The following CHD2 variants were observed in gnomAD, a reference collection of about 807,000 sequenced individuals.
CHD2 encodes the protein chromodomain helicase DNA binding protein 2.
CHD2 carries 28 observed loss-of-function variants against 243.9 expected under a neutral mutation model. The ratio of observed to expected loss-of-function variants is 0.11; its 90% CI spans 0.09 to 0.16. The LOEUF (loss-of-function observed/expected upper bound fraction) is 0.16, where lower values mean the gene tolerates loss of function less well. Among genes scored for constraint, CHD2 ranks in the 10% least tolerant of loss-of-function variants. The probability of loss-of-function intolerance (pLI) is 1.00; values close to 1 mark genes in which losing one functional copy is unlikely to be tolerated. For missense variants in CHD2, 1,386 were observed against 2,209.8 expected, an observed-to-expected ratio of 0.63 and a Z score of 7.47; for synonymous variants, 775 against 779.0, an observed-to-expected ratio of 0.99 and a Z score of 0.09.
At chr15:92,910,929 T>G (rs2052722446) in intron 2 of CHD2, among the ~76,000 whole-genome samples, 1 of 152,222 alleles carries the variant, frequency 6.6e-6, no homozygotes, top group Admixed American at 6.5e-5. Flanking sequence ...CTGTTGCTCC[T>G]AGGCCACAAC....
chr15:92,904,947 C>G (rs1191320279), intron 2 of CHD2: 3 of 1,535,826 alleles, frequency 2.0e-6, no homozygotes, highest in African/African-American at 2.7e-5. Context: ...GAACTTGTCC[C>G]CATGCGTTTT....
chr15:92,985,536 G>A lies in CHD2; in HGVS notation c.3276G>A (p.Lys1092=). The A allele has an allele frequency of 6.2e-7, 1 of 1,614,104 alleles. No individual in the cohort carries two copies. The highest frequency in any genetic ancestry group is 8.5e-7 in the Non-Finnish European group (1 of 1,179,982). Residue 1092 remains lysine (K), a synonymous_variant, in exon 26 of 39, where the codon AAG becomes AAA. Coordinates refer to ENST00000394196, the MANE Select transcript of CHD2 (RefSeq NM_001271.4). ...ACAGTGACTCTGACACTGAGTCTAA[G>A]AGGCAGGCCCAGAGATCCTCTGCTT... is the stretch of plus-strand genomic sequence containing the variant. ...TNDSDSDTES[K]RQAQRSSASE... is the part of the protein sequence containing the mutation.
chr15:92,920,520 A>G (rs988059966), intron 2 of CHD2, among the ~76,000 whole-genome samples: 2 of 152,174 alleles, frequency 1.3e-5, no homozygotes, highest in Non-Finnish European at 2.9e-5. Flanking sequence ...AGTGCTTCCC[A>G]CTTTTCAACA....
intron 21 of CHD2, among the ~76,000 whole-genome samples, 182 bp from the exon 22 acceptor site, chr15:92,978,953 T>G (rs1422960717): frequency 6.6e-6 from 1 of 152,214 alleles, no homozygotes; most frequent in African/African-American, 2.4e-5. Context: ...CTGCTGCACA[T>G]AGTAAAAGTA....
rs961291475 is a variant in CHD2, at chr15:92,977,454, C to T, written c.2578-780C>T. ...CTGCTTCTCTCTGCTACAAAGGCAT[C>T]AGCTTTTGACATATATGATTAAATT... is the stretch of plus-strand genomic sequence containing the variant. On this transcript the variant is annotated intron_variant, in intron 20 of 38. Transcript: ENST00000394196. Among the ~76,000 whole-genome samples, 18 of 152,188 alleles carry T rather than the reference C, an allele frequency of 1.2e-4. 1 individual carries two copies. Among genetic ancestry groups the T allele is most frequent in the African/African-American group, 4.1e-4 (17 of 41,450 alleles).
rs547388743 is a variant in CHD2, at chr15:92,962,169, C to T, written c.2001-5156C>T. Among the ~76,000 whole-genome samples, 82 of 151,938 alleles carry T rather than the reference C, an allele frequency of 5.4e-4. 1 individual carries two copies. Among genetic ancestry groups the T allele is most frequent in the East Asian group, 3.9e-4 (2 of 5,150 alleles). On this transcript the variant is annotated intron_variant, in intron 16 of 38. Coordinates refer to ENST00000394196, the MANE Select transcript of CHD2 (RefSeq NM_001271.4). ...TGCTGGGATTGCAGGCGTGAGCCCC[C>T]GTGCCCGGACCCTCTGTTTTTCTGT...
At chr15:92,990,141 A>T (rs1228240003) in intron 26 of CHD2, among the ~76,000 whole-genome samples, 1 of 152,196 alleles carries the variant, frequency 6.6e-6, no homozygotes, top group East Asian at 1.9e-4. Flanking sequence ...AAGCCTGAGA[A>T]TGGAGCTTCT....
intron 16 of CHD2, 117 bp downstream of exon 16, chr15:92,956,766 G>C: frequency 1.1e-6 from 1 of 895,122 alleles, no homozygotes; most frequent in Non-Finnish European, 1.7e-6. Context: ...AAAGCAAAGC[G>C]TCAAATGGAG....
intron 2 of CHD2, among the ~76,000 whole-genome samples, chr15:92,919,264 C>A (rs1186121314): frequency 6.6e-6 from 1 of 151,686 alleles, no homozygotes; most frequent in African/African-American, 2.4e-5. Flanking sequence ...GTGATTATTC[C>A]TCTTACGAGA....
intron 31 of CHD2, 79 bp from the exon 32 acceptor site, chr15:93,000,433 A>T (rs1596449217): frequency 1.4e-6 from 2 of 1,382,398 alleles, no homozygotes; most frequent in Non-Finnish European, 2.0e-6. Context: ...CTACTGCTTT[A>T]AAGAGTCATC....
At position 92,900,473 on chromosome 15, in the gene CHD2, G is replaced by A. The variant is rs2052513843; in HGVS notation, c.-423G>A. 1.5e-5 allele frequency: 6 copies of A among 397,998 alleles called. No individual in the cohort carries two copies. In the Admixed American group the frequency reaches 2.2e-4, roughly 15 times the overall value. The allele number at this position is 397,998 out of a possible 1,614,324, so 24.7% of individuals were successfully genotyped here. ...CCCCTGCCTTTCCTAGGGACTTACT[G>A]GGGTCGATTCGAACCTTTTTTTGGG... On this transcript the variant is annotated 5_prime_UTR_variant, in exon 1 of 39. Transcript: ENST00000394196.
intron 2 of CHD2, among the ~76,000 whole-genome samples, chr15:92,913,456 G>A (rs893115249): frequency 5.9e-5 from 9 of 152,168 alleles, no homozygotes; most frequent in African/African-American, 1.9e-4. Context: ...GGGTGGGGGT[G>A]TTACTGGCCT....
chr15:93,019,940 A>G, intron 37 of CHD2, 72 bp from the exon 38 acceptor site: 4 of 1,545,032 alleles, frequency 2.6e-6, no homozygotes, highest in Non-Finnish European at 3.5e-6. Context: ...TCTCCAAAAA[A>G]AAAAAAATTG....
Position 93,025,071 on chromosome 15 carries a change from C to T in CHD2, c.*366C>T. The T allele has an allele frequency of 4.5e-6, 1 of 220,804 alleles. No homozygotes were observed. Among genetic ancestry groups the T allele is most frequent in the East Asian group, 1.4e-4 (1 of 7,242 alleles). The allele number at this position is 220,804 out of a possible 1,614,324, so 13.7% of individuals were successfully genotyped here. On this transcript the variant is annotated 3_prime_UTR_variant, in exon 39 of 39. Transcript: ENST00000394196. The stretch of plus-strand genomic sequence containing the variant: ...TGTTTTCTTGCCAGGGTCAGTGTTC[C>T]CAGGACCTTAGTGCATGGTCGGGGC...
chr15:93,010,953 G>C (rs1314030789), intron 35 of CHD2, among the ~76,000 whole-genome samples: 1 of 152,162 alleles, frequency 6.6e-6, no homozygotes, highest in African/African-American at 2.4e-5. Context: ...GAAAACTTCT[G>C]CATGATGGTG....
At chr15:92,901,995 A>G in intron 2 of CHD2, 1 of 386,436 alleles carries the variant, frequency 2.6e-6, no homozygotes. Flanking sequence ...AATACTCTTA[A>G]TATATACTTC....
chr15:92,950,782 T>C (rs972982076), intron 13 of CHD2, among the ~76,000 whole-genome samples: 6 of 151,174 alleles, frequency 4.0e-5, no homozygotes, highest in African/African-American at 1.2e-4. Context: ...GCTTAAAAAA[T>C]ATTTTTCCCC....
chr15:92,919,415 C>T (rs969554273), intron 2 of CHD2, among the ~76,000 whole-genome samples: 3 of 149,562 alleles, frequency 2.0e-5, no homozygotes, highest in Non-Finnish European at 3.0e-5. Context: ...TTTTTGGAGA[C>T]GGAGTCTTGC....
intron 2 of CHD2, among the ~76,000 whole-genome samples, chr15:92,906,253 TTCTC>T (rs369399377): frequency 1.7e-4 from 25 of 151,094 alleles, no homozygotes; most frequent in African/African-American, 4.1e-4. Context: ...TTCTCTCTCT[TTCTC>T]TCTCTCTCTC....
Sources: gnomAD v4.1 joint callset for allele counts (sites outside exome capture counted in the v4.1 genomes callset) on GRCh38, gnomAD v4.1.1 for gene constraint, MANE v1.5 for transcripts, NCBI Gene and HGNC (gene_info 2026-07-23, HGNC 2026-07-21) for gene names.